The following PTCHD4 variants were observed in gnomAD, a reference collection of about 807,000 sequenced individuals.
PTCHD4 encodes the protein patched domain-containing protein 4.
A neutral mutation model predicts 58.1 loss-of-function variants in PTCHD4; 33 were observed. The observed-to-expected ratio is 0.57, with a 90% CI of 0.43 to 0.76. PTCHD4 has a LOEUF of 0.76. PTCHD4 is among the 30% of genes least tolerant of loss of function. PTCHD4 has a pLI of 0.00. For synonymous variants in PTCHD4, 478 were observed against 409.6 expected (o/e 1.17, Z -2.02); for missense variants, 1,058 against 1,027.1 (o/e 1.03, Z -0.41).
chr6:48,061,537 T>C (rs1436035889), intron 3 of PTCHD4, among the ~76,000 whole-genome samples: 1 of 152,198 alleles, frequency 6.6e-6, no homozygotes, highest in African/African-American at 2.4e-5. Flanking sequence ...TGAGCGTCTC[T>C]AACACAAAGG....
At chr6:47,895,760 T>G (rs1315143270) in intron 4 of PTCHD4, among the ~76,000 whole-genome samples, 1 of 152,026 alleles carries the variant, frequency 6.6e-6, no homozygotes, top group African/African-American at 2.4e-5. Context: ...CAAAATTTGC[T>G]CCCAGTTGTA....
chr6:47,917,808 C>A (rs1328315177), intron 4 of PTCHD4, among the ~76,000 whole-genome samples: 1 of 151,878 alleles, frequency 6.6e-6, no homozygotes, highest in African/African-American at 2.4e-5. Flanking sequence ...GTGCTAAAGA[C>A]CCTCACAGAA....
At chr6:48,015,277 C>G (rs722165) in intron 3 of PTCHD4, among the ~76,000 whole-genome samples, 106,962 of 151,670 alleles carry the variant, frequency 0.71, 37,897 homozygotes, top group East Asian at 0.84. Flanking sequence ...AATCTATTCT[C>G]CACATGGAAG....
intron 1 of PTCHD4, among the ~76,000 whole-genome samples, chr6:48,082,335 G>A (rs1765183063): frequency 1.3e-5 from 2 of 152,150 alleles, no homozygotes; most frequent in South Asian, 4.2e-4. Flanking sequence ...TCAAGCTCTG[G>A]CCTATTTGGT....
intron 4 of PTCHD4, among the ~76,000 whole-genome samples, chr6:47,880,960 A>T (rs549539074): frequency 6.6e-5 from 10 of 152,174 alleles, no homozygotes; most frequent in Non-Finnish European, 1.3e-4. Flanking sequence ...CATCCATAAT[A>T]TATCAATTGG....
Position 47,860,173 on chromosome 6 carries a change from C to T in PTCHD4, c.*18130G>A, listed in dbSNP as rs1466227738. 1.3e-5 allele frequency among the ~76,000 whole-genome samples: 2 copies of T among 152,008 alleles called. No individual in the cohort carries two copies. Among genetic ancestry groups the T allele is most frequent in the African/African-American group, 4.8e-5 (2 of 41,442 alleles). ...TAAAGTATGAATCATGCAATCATTT[C>T]TTGTGCTTTATTGTGAGTGACTATT... On this transcript the variant is annotated 3_prime_UTR_variant, in exon 5 of 5. Transcript: ENST00000339488.
chr6:47,966,759 A>T (rs1241706837), intron 4 of PTCHD4, among the ~76,000 whole-genome samples: 1 of 152,204 alleles, frequency 6.6e-6, no homozygotes, highest in Non-Finnish European at 1.5e-5. Context: ...ATTCATAAGA[A>T]GCAACTCCTC....
At chr6:48,035,233 A>G (rs1257928438) in intron 3 of PTCHD4, among the ~76,000 whole-genome samples, 1 of 152,130 alleles carries the variant, frequency 6.6e-6, no homozygotes, top group East Asian at 1.9e-4. Flanking sequence ...ATGATAATAC[A>G]TCTAACAGCT....
intron 4 of PTCHD4, among the ~76,000 whole-genome samples, chr6:47,896,226 T>G (rs1764524456): frequency 6.6e-6 from 1 of 152,184 alleles, no homozygotes; most frequent in Non-Finnish European, 1.5e-5. Context: ...TCTTCTAATG[T>G]GATGATTGAG....
intron 4 of PTCHD4, among the ~76,000 whole-genome samples, chr6:47,880,712 G>C (rs1014349076): frequency 7.2e-5 from 11 of 152,098 alleles, no homozygotes; most frequent in African/African-American, 2.7e-4. Context: ...ACCAATGTTT[G>C]TGTCCCTTTT....
At chr6:47,952,865 TCATGACTACA>T (rs968237170) in intron 4 of PTCHD4, among the ~76,000 whole-genome samples, 4 of 152,040 alleles carry the variant, frequency 2.6e-5, no homozygotes, top group Non-Finnish European at 4.4e-5. Context: ...ATTAGATGAC[TCATGACTACA>T]TATGACTGTA....
At chr6:47,963,428 G>T (rs547552723) in intron 4 of PTCHD4, among the ~76,000 whole-genome samples, 228 of 152,230 alleles carry the variant, frequency 1.5e-3, no homozygotes, top group African/African-American at 5.3e-3. Flanking sequence ...ACTGTATGGA[G>T]ATTCCTAAAA....
At chr6:48,098,331 TTC>T (rs1765519331) in intron 1 of PTCHD4, among the ~76,000 whole-genome samples, 1 of 148,544 alleles carries the variant, frequency 6.7e-6, no homozygotes, top group African/African-American at 2.5e-5. Context: ...CTTCTTCTTC[TTC>T]TTCTTCTTCT....
chr6:48,108,620 T>A (rs544163550), intron 1 of PTCHD4, among the ~76,000 whole-genome samples: 216 of 151,606 alleles, frequency 1.4e-3, no homozygotes, highest in African/African-American at 4.9e-3. Context: ...AAAAAATAAA[T>A]AAATAAAAAT....
chr6:47,994,005 A>G (rs1012721798), intron 4 of PTCHD4, among the ~76,000 whole-genome samples: 13 of 152,200 alleles, frequency 8.5e-5, no homozygotes, highest in African/African-American at 3.1e-4. Context: ...ATGGCTGTAG[A>G]TATGGAGCAG....
chr6:48,065,760 A>G (rs762158713), intron 3 of PTCHD4, among the ~76,000 whole-genome samples: 1 of 152,226 alleles, frequency 6.6e-6, no homozygotes, highest in Non-Finnish European at 1.5e-5. Flanking sequence ...TTACCCAAAC[A>G]TAGTTTAAAG....
At position 48,017,277 on chromosome 6, in the gene PTCHD4, C is replaced by A. The variant is rs1762899152; in HGVS notation, c.418-8163G>T. ...AGAAATGAGAAAATAATGAGAAATA[C>A]CTAGTTTGTACAAGGTATTTATTTT... On this transcript the variant is annotated intron_variant, in intron 3 of 4. Transcript: ENST00000339488. 2.6e-5 allele frequency among the ~76,000 whole-genome samples: 4 copies of A among 151,866 alleles called. No homozygotes were observed. The South Asian group carries it at 8.3e-4, about 32-fold the overall frequency.
chr6:47,889,950 A>C (rs1358105416), intron 4 of PTCHD4, among the ~76,000 whole-genome samples: 3 of 151,990 alleles, frequency 2.0e-5, no homozygotes, highest in Non-Finnish European at 4.4e-5. Flanking sequence ...TTCGCAACCT[A>C]CTCATCTGAC....
At chr6:48,020,056 A>G (rs1198055830) in intron 3 of PTCHD4, among the ~76,000 whole-genome samples, 3 of 152,154 alleles carry the variant, frequency 2.0e-5, no homozygotes, top group Non-Finnish European at 4.4e-5. Context: ...GGAGGGTAAG[A>G]GAAGAGTGAT....
Sources: allele counts gnomAD v4.1 joint callset (sites outside exome capture counted in the v4.1 genomes callset), GRCh38; gene constraint gnomAD v4.1.1; transcripts MANE v1.5; gene names NCBI Gene and HGNC (gene_info 2026-07-23, HGNC 2026-07-21).